Variants in FCHSD2 observed in about 807,000 individuals in gnomAD.
FCHSD2 encodes the protein F-BAR and double SH3 domains protein 2.
In FCHSD2, 38 loss-of-function variants were observed where a neutral mutation model predicts 108.1. That is an observed-to-expected ratio of 0.35 (90% confidence interval 0.27 to 0.46). The LOEUF (loss-of-function observed/expected upper bound fraction) is 0.46. Among genes scored for constraint, FCHSD2 ranks in the 20% least tolerant of loss-of-function variants. The pLI is 1.00. For missense variants in FCHSD2, 751 were observed against 897.8 expected (o/e 0.84, Z 2.09); for synonymous variants, 279 against 314.7 (o/e 0.89, Z 1.20).
intron 6 of FCHSD2, among the ~76,000 whole-genome samples, chr11:72,987,638 T>C (rs935532913): frequency 3.3e-5 from 5 of 152,232 alleles, no homozygotes; most frequent in African/African-American, 1.2e-4. Flanking sequence ...AGGCAATTCC[T>C]TGTGATCAGC....
chr11:72,999,049 C>A (rs1857573367), intron 5 of FCHSD2, among the ~76,000 whole-genome samples: 1 of 152,158 alleles, frequency 6.6e-6, no homozygotes, highest in Admixed American at 6.5e-5. Flanking sequence ...GAAAGAAAGT[C>A]TGAATTCTAA....
chr11:73,091,406 A>G (rs1859954087), intron 2 of FCHSD2, among the ~76,000 whole-genome samples: 1 of 151,680 alleles, frequency 6.6e-6, no homozygotes. Flanking sequence ...AAAATTAGCC[A>G]GGTGTGGTGG....
At chr11:73,023,163 A>T (rs1858147695) in intron 3 of FCHSD2, among the ~76,000 whole-genome samples, 1 of 152,164 alleles carries the variant, frequency 6.6e-6, no homozygotes, top group Non-Finnish European at 1.5e-5. Context: ...TAACACCAGA[A>T]CCAAGACACA....
intron 8 of FCHSD2, among the ~76,000 whole-genome samples, chr11:72,936,156 A>G (rs1856296131): frequency 6.6e-6 from 1 of 152,222 alleles, no homozygotes; most frequent in South Asian, 2.1e-4. Flanking sequence ...GAATCATAAG[A>G]GTATGGTATG....
rs963915101 is a variant in FCHSD2, at chr11:73,004,368, A to G, written c.243-3234T>C. On this transcript the variant is annotated intron_variant, in intron 4 of 19. Coordinates refer to ENST00000409418, the MANE Select transcript of FCHSD2 (RefSeq NM_014824.3). The stretch of plus-strand genomic sequence containing the variant: ...CATAACCTAGATTCTGCCATTACTA[A>G]TAACTACTGCTTTGCTCCCATCCCA... Among the ~76,000 whole-genome samples the G allele has an allele frequency of 2.6e-5, 4 of 152,152 alleles. No homozygotes were observed. The South Asian group carries it at 8.3e-4, about 31-fold the overall frequency.
chr11:73,122,310 T>C (rs1049927641), intron 2 of FCHSD2, among the ~76,000 whole-genome samples: 3 of 152,114 alleles, frequency 2.0e-5, no homozygotes, highest in African/African-American at 7.2e-5. Context: ...TTCCCCGTAT[T>C]AGAGACTCAG....
rs762246965 is a variant in FCHSD2, at chr11:72,841,503, G to A, written c.2007C>T (p.Ser669=). ...AGTACAGGGAGCTCCTCTTATCTGG[G>A]CTGGGGTAGGGGCTGCTGGGAGGCT... The part of the protein sequence containing the change: ...YDQPPSSPYP[S]PDKRSSLYFP... The change falls in exon 18 of 20, where the codon AGC becomes AGT. Residue 669 remains serine (S), a synonymous_variant. Coordinates refer to ENST00000409418, the MANE Select transcript of FCHSD2 (RefSeq NM_014824.3). 1.9e-6 allele frequency: 3 copies of A among 1,611,412 alleles called. No homozygotes were observed. The highest frequency in any genetic ancestry group is 2.5e-6 in the Non-Finnish European group (3 of 1,178,906).
At chr11:73,131,995 T>C (rs190575648) in intron 2 of FCHSD2, among the ~76,000 whole-genome samples, 2 of 152,288 alleles carry the variant, frequency 1.3e-5, no homozygotes, top group Non-Finnish European at 2.9e-5. Context: ...TTTCCACAAA[T>C]TACCATCCTC....
intron 2 of FCHSD2, among the ~76,000 whole-genome samples, chr11:73,097,429 G>GT (rs1240994728): frequency 2.0e-5 from 3 of 150,450 alleles, no homozygotes; most frequent in Non-Finnish European, 4.4e-5. Flanking sequence ...GTAGTCTATA[G>GT]TTTTCTTCTG....
chr11:73,132,148 T>C (rs1475708604), intron 2 of FCHSD2, among the ~76,000 whole-genome samples: 2 of 152,240 alleles, frequency 1.3e-5, no homozygotes, highest in African/African-American at 4.8e-5. Context: ...AAAAGAGCCA[T>C]AAGATGCATC....
chr11:72,839,262 A>T (rs1249168636), intron 19 of FCHSD2, among the ~76,000 whole-genome samples: 1 of 152,252 alleles, frequency 6.6e-6, no homozygotes, highest in Non-Finnish European at 1.5e-5. Flanking sequence ...GCTAGGGTTA[A>T]GTTGTGAAGG....
chr11:73,041,035 C>A (rs561837221), intron 3 of FCHSD2, among the ~76,000 whole-genome samples: 76 of 152,150 alleles, frequency 5.0e-4, no homozygotes, highest in Non-Finnish European at 2.1e-4. Context: ...CCAGTTCCAT[C>A]CATGTTGCTA....
At chr11:73,080,789 C>T (rs1393334767) in intron 3 of FCHSD2, among the ~76,000 whole-genome samples, 4 of 151,778 alleles carry the variant, frequency 2.6e-5, no homozygotes, top group African/African-American at 9.7e-5. Flanking sequence ...ACTAAAAAGA[C>T]AAAAATTAGC....
intron 3 of FCHSD2, among the ~76,000 whole-genome samples, chr11:73,026,249 G>C (rs939911049): frequency 1.3e-4 from 20 of 152,084 alleles, no homozygotes; most frequent in Middle Eastern, 3.2e-3. Context: ...AAGTGCTAGG[G>C]TTACAGGCAT....
chr11:72,937,839 T>C (rs577133039), intron 8 of FCHSD2, among the ~76,000 whole-genome samples: 77 of 152,250 alleles, frequency 5.1e-4, no homozygotes, highest in African/African-American at 1.8e-3. Flanking sequence ...TGATTTTCTA[T>C]AGGAAATCAT....
At position 72,867,881 on chromosome 11, in the gene FCHSD2, T is replaced by C. The variant is rs1854764856; in HGVS notation, c.1292A>G (p.Asn431Ser). 4 of 1,612,736 alleles carry C rather than the reference T, an allele frequency of 2.5e-6. No homozygotes were observed. Among genetic ancestry groups the C allele is most frequent in the Non-Finnish European group, 2.5e-6 (3 of 1,179,454 alleles). The change falls in exon 13 of 20, where the codon AAT (asparagine) becomes AGT (serine). Residue 431 changes from asparagine to serine, a missense_variant. Transcript: ENST00000409418. ...RWARPPAVTS[N>S]GTLHSLNADT... ...AAATCGTACCGAGTGTAAAGTGCCA[T>C]TACTGGTCACTGCAGGAGGGCGGGC...
At chr11:72,876,233 G>C (rs988275910) in intron 12 of FCHSD2, among the ~76,000 whole-genome samples, 3 of 152,112 alleles carry the variant, frequency 2.0e-5, no homozygotes, top group African/African-American at 7.2e-5. Flanking sequence ...GGGAGGCTGA[G>C]GTGGGAGGAT....
In FCHSD2 at chr11:73,109,223, T is replaced by C. The variant is rs958527571; in HGVS notation, c.120-25483A>G. ...CTATTCTGGGTCTTTTGTGGTTCCA[T>C]ATATATTTTAGAATTGCTTTTTCTA... On this transcript the variant is annotated intron_variant, in intron 2 of 19. Coordinates refer to ENST00000409418, the MANE Select transcript of FCHSD2 (RefSeq NM_014824.3). Among the ~76,000 whole-genome samples, 10 of 152,216 alleles carry C rather than the reference T, an allele frequency of 6.6e-5. No homozygotes were observed. In the South Asian group the frequency reaches 1.9e-3, roughly 28 times the overall value.
chr11:73,117,834 T>A (rs188535705), intron 2 of FCHSD2, among the ~76,000 whole-genome samples: 1 of 152,360 alleles, frequency 6.6e-6, no homozygotes, highest in Admixed American at 6.5e-5. Flanking sequence ...ATTTTTGGTG[T>A]CTTTAAAGCA....
Sources: gnomAD v4.1 joint callset for allele counts (sites outside exome capture counted in the v4.1 genomes callset) on GRCh38, gnomAD v4.1.1 for gene constraint, MANE v1.5 for transcripts, NCBI Gene and HGNC (gene_info 2026-07-23, HGNC 2026-07-21) for gene names.